Variants in NRXN2 observed in about 807,000 individuals in gnomAD.
NRXN2 encodes neurexin-2-beta.
A neutral mutation model predicts 128.8 loss-of-function variants in NRXN2; 29 were observed. The ratio of observed to expected loss-of-function variants is 0.23; its 90% CI spans 0.17 to 0.31. NRXN2 has a LOEUF of 0.31. Ranked by LOEUF, NRXN2 falls within the 10% of genes least tolerant of loss-of-function variation. The probability of loss-of-function intolerance (pLI) is 1.00; values close to 1 mark genes in which losing one functional copy is unlikely to be tolerated. For synonymous variants in NRXN2, 1,098 were observed against 1,075.2 expected (o/e 1.02, Z -0.41); for missense variants, 1,881 against 2,452.6 (o/e 0.77, Z 4.92).
chr11:64,633,320 C>T (rs1422226589), intron 18 of NRXN2, among the ~76,000 whole-genome samples: 3 of 152,200 alleles, frequency 2.0e-5, no homozygotes, highest in African/African-American at 4.8e-5. Context: ...CAGAGATGGT[C>T]GGGATACTAG....
rs1289549030 is a variant in NRXN2, at chr11:64,714,305, G to A, written c.-244-362C>T. On this transcript the variant is annotated intron_variant, in intron 1 of 22. Transcript: ENST00000265459. This position sits in a 1 kb window ranked among gnomAD's most constrained non-coding sequence, Gnocchi z 4.5. Reference sequence around the variant, plus strand: ...GAGCGAGGCCTGGGAACTCTCCTCCGCCTGGTGACCCCAGCCCCTTCTCTG... The same window carrying A: ...GAGCGAGGCCTGGGAACTCTCCTCCACCTGGTGACCCCAGCCCCTTCTCTG... Among the ~76,000 whole-genome samples, 2 of 152,020 alleles carry A rather than the reference G, an allele frequency of 1.3e-5. No individual in the cohort carries two copies. The highest frequency in any genetic ancestry group is 6.6e-5 in the Admixed American group (1 of 15,266).
chr11:64,620,700 G>A (rs1042152534), intron 21 of NRXN2, among the ~76,000 whole-genome samples: 3 of 148,668 alleles, frequency 2.0e-5, no homozygotes, highest in Non-Finnish European at 4.5e-5. Flanking sequence ...AGAGGATCTA[G>A]GATGCCTCAG....
rs1591656204 is a variant in NRXN2, at chr11:64,635,634, T to C, written c.3404-182A>G. Among the ~76,000 whole-genome samples, 1 of 151,868 alleles carries C rather than the reference T, an allele frequency of 6.6e-6. No individual in the cohort carries two copies. The highest frequency in any genetic ancestry group is 2.4e-5 in the African/African-American group (1 of 41,324). Reference sequence around the variant, plus strand: ...AGAAGTTGGCAGGCGGGTGCCTGGGTGAGAGCCTGTGCACGCGCACAGACA... The same window carrying C: ...AGAAGTTGGCAGGCGGGTGCCTGGGCGAGAGCCTGTGCACGCGCACAGACA... On this transcript the variant is annotated intron_variant, in intron 17 of 22. Transcript: ENST00000265459. This position sits in a 1 kb window ranked among gnomAD's most constrained non-coding sequence, Gnocchi z 4.8.
chr11:64,666,963 T>G (rs967152356), intron 9 of NRXN2, among the ~76,000 whole-genome samples: 2 of 152,164 alleles, frequency 1.3e-5, no homozygotes, highest in Admixed American at 1.3e-4. Context: ...TCGATGGCCC[T>G]TGTGGGGTTA....
intron 19 of NRXN2, among the ~76,000 whole-genome samples, chr11:64,627,156 C>A (rs1403640965): frequency 2.6e-5 from 4 of 152,066 alleles, no homozygotes; most frequent in Admixed American, 2.0e-4. Flanking sequence ...CACCTCATAC[C>A]ACACCTATGA....
chr11:64,645,581 T>C (rs1327699802), intron 17 of NRXN2, among the ~76,000 whole-genome samples: 23 of 152,118 alleles, frequency 1.5e-4, no homozygotes, highest in Admixed American at 1.5e-3. Flanking sequence ...TTTCATATTC[T>C]CTTTTTCATT....
chr11:64,680,092 A>G (rs572025271), intron 6 of NRXN2, among the ~76,000 whole-genome samples: 18 of 152,358 alleles, frequency 1.2e-4, no homozygotes, highest in South Asian at 4.1e-4. Flanking sequence ...GAAGTCACAC[A>G]TCATATCATG....
chr11:64,660,334 A>G lies in NRXN2; in HGVS notation c.2387T>C (p.Leu796Pro). The change falls in exon 11 of 23, where the codon CTC becomes CCC. Residue 796 changes from leucine to proline, a missense_variant and splice_region_variant. Transcript: ENST00000265459. This position sits in a 1 kb window ranked among gnomAD's most constrained non-coding sequence, Gnocchi z 5.2. Reference sequence around the variant, plus strand: ...GAAGCACAGGGCAGGGTGGTTACCGAGGTTGACAGTGAGCTTCATCTGCCC... The same window carrying G: ...GAAGCACAGGGCAGGGTGGTTACCGGGGTTGACAGTGAGCTTCATCTGCCC... The part of the protein sequence containing the change: ...DGGQMKLTVN[L>P]DCLRVGCAPS... 1 of 1,613,154 alleles carries G rather than the reference A, an allele frequency of 6.2e-7. No individual in the cohort carries two copies. Among genetic ancestry groups the G allele is most frequent in the Non-Finnish European group, 8.5e-7 (1 of 1,179,860 alleles).
intron 9 of NRXN2, chr11:64,661,402 C>T: frequency 7.2e-7 from 1 of 1,384,700 alleles, no homozygotes; most frequent in Non-Finnish European, 9.4e-7. Flanking sequence ...GTCCATACCC[C>T]TCCTCCCCAC....
intron 22 of NRXN2, among the ~76,000 whole-genome samples, chr11:64,616,413 C>A (rs2041533130): frequency 1.3e-5 from 2 of 152,174 alleles, no homozygotes; most frequent in Non-Finnish European, 2.9e-5. Context: ...TCTGAACATG[C>A]ATACAGGTCT....
chr11:64,651,121 C>A lies in NRXN2; in HGVS notation c.2918+134G>T. The stretch of plus-strand genomic sequence containing the variant: ...GCTGAAGAGGGAGCCTCTCGACTTA[C>A]GGTCGGGGACCTGAATCTTGACTTG... On this transcript the variant is annotated intron_variant, in intron 14 of 22. Transcript: ENST00000265459. This position sits in a 1 kb window ranked among gnomAD's most constrained non-coding sequence, Gnocchi z 5.9. 1 of 1,238,426 alleles carries A rather than the reference C, an allele frequency of 8.1e-7. No homozygotes were observed. The highest frequency in any genetic ancestry group is 1.3e-5 in the South Asian group (1 of 79,044). The allele number at this position is 1,238,426 out of a possible 1,614,324, so 76.7% of individuals were successfully genotyped here.
chr11:64,628,789 T>TG (rs1304092274), intron 19 of NRXN2, among the ~76,000 whole-genome samples: 2 of 152,112 alleles, frequency 1.3e-5, no homozygotes, highest in Non-Finnish European at 1.5e-5. Flanking sequence ...GTTGGCTTGT[T>TG]GGGGGGCGTG....
intron 3 of NRXN2, among the ~76,000 whole-genome samples, chr11:64,697,407 C>T (rs2054699505): frequency 6.6e-6 from 1 of 152,160 alleles, no homozygotes; most frequent in African/African-American, 2.4e-5. Flanking sequence ...TGGAAAATTG[C>T]CTTTCTAAGC....
At position 64,683,307 on chromosome 11, in the gene NRXN2, T is replaced by C. The variant is rs75214933; in HGVS notation, c.1152+2339A>G. Among the ~76,000 whole-genome samples, 966 of 152,256 alleles carry C rather than the reference T, an allele frequency of 6.3e-3. 8 individuals carry two copies. The highest frequency in any genetic ancestry group is 0.022 in the African/African-American group (922 of 41,544). ...TGTAAGTGTTGTTCCAATCCCAGGA[T>C]GTCACCCAGACACTACAGAAACTTG... is the stretch of plus-strand genomic sequence containing the variant. On this transcript the variant is annotated intron_variant, in intron 6 of 22. Transcript: ENST00000265459.
chr11:64,635,478 A>T lies in NRXN2; in HGVS notation c.3404-26T>A. On this transcript the variant is annotated intron_variant, in intron 17 of 22. Transcript: ENST00000265459. This position sits in a 1 kb window ranked among gnomAD's most constrained non-coding sequence, Gnocchi z 4.8. The stretch of plus-strand genomic sequence containing the variant: ...CTGCAGAGAGAAGGAAAGGGAGACA[A>T]GAAGAAATGACATCAGGAGGACGAG... 5 of 1,612,846 alleles carry T rather than the reference A, an allele frequency of 3.1e-6. No homozygotes were observed. The highest frequency in any genetic ancestry group is 4.2e-6 in the Non-Finnish European group (5 of 1,179,622).
chr11:64,639,423 C>G (rs2045317585), intron 17 of NRXN2, among the ~76,000 whole-genome samples: 1 of 152,142 alleles, frequency 6.6e-6, no homozygotes, highest in East Asian at 1.9e-4. Context: ...ACCTGGAACC[C>G]ATGGAAGCTA....
At chr11:64,620,783 C>A (rs1428846384) in intron 21 of NRXN2, among the ~76,000 whole-genome samples, 1 of 150,348 alleles carries the variant, frequency 6.7e-6, no homozygotes. Context: ...TAGGGCCAGG[C>A]CCTGGAGGGT....
chr11:64,718,623 G>A (rs1423934263), intron 1 of NRXN2, among the ~76,000 whole-genome samples: 1 of 152,202 alleles, frequency 6.6e-6, no homozygotes, highest in African/African-American at 2.4e-5. Context: ...TTCGAGGTGA[G>A]ACCGGATGAC....
Position 64,714,148 on chromosome 11 carries a change from T to C in NRXN2, c.-244-205A>G, listed in dbSNP as rs2057205841. On this transcript the variant is annotated intron_variant, in intron 1 of 22. Transcript: ENST00000265459. This position sits in a 1 kb window ranked among gnomAD's most constrained non-coding sequence, Gnocchi z 4.5. ...AGCACTTAGGAGAGATGGCACGCAC[T>C]AGGGGCAGCATTGGTTTGAGATGTG... is the stretch of plus-strand genomic sequence containing the variant. Among the ~76,000 whole-genome samples the C allele has an allele frequency of 6.6e-6, 1 of 152,078 alleles. No individual in the cohort carries two copies. The highest frequency in any genetic ancestry group is 1.5e-5 in the Non-Finnish European group (1 of 68,018).
Sources: gnomAD v4.1 joint callset for allele counts (sites outside exome capture counted in the v4.1 genomes callset) on GRCh38, gnomAD v4.1.1 for gene constraint, Gnocchi (gnomAD v3.1) non-coding constraint, MANE v1.5 for transcripts, NCBI Gene and HGNC (gene_info 2026-07-23, HGNC 2026-07-21) for gene names.